The following MAP2K5 variants were observed in gnomAD, a reference collection of about 807,000 sequenced individuals.
The protein encoded by MAP2K5 is mitogen-activated protein kinase kinase 5, also known as dual specificity mitogen-activated protein kinase kinase 5.
MAP2K5 carries 49 observed loss-of-function variants against 83.1 expected under a neutral mutation model. The ratio of observed to expected loss-of-function variants is 0.59; its 90% CI spans 0.47 to 0.75. MAP2K5 has a LOEUF of 0.75. Among genes scored for constraint, MAP2K5 ranks in the 30% least tolerant of loss-of-function variants. The pLI is 0.00. For synonymous variants in MAP2K5, 202 were observed against 191.8 expected (o/e 1.05, Z -0.44); for missense variants, 457 against 557.5 (o/e 0.82, Z 1.82).
At chr15:67,655,142 T>C (rs558488408) in intron 11 of MAP2K5, among the ~76,000 whole-genome samples, 74 of 152,326 alleles carry the variant, frequency 4.9e-4, no homozygotes, top group African/African-American at 1.8e-3. Context: ...ATGCTATTAT[T>C]GTCATATAAG....
chr15:67,624,146 T>C (rs986176224), intron 8 of MAP2K5, among the ~76,000 whole-genome samples: 5 of 151,424 alleles, frequency 3.3e-5, no homozygotes, highest in Admixed American at 6.6e-5. Context: ...GAGACCATCC[T>C]GGCTAACACA....
intron 6 of MAP2K5, 30 bp downstream of exon 6, chr15:67,586,943 G>A (rs1375015082): frequency 1.2e-6 from 2 of 1,611,816 alleles, no homozygotes; most frequent in South Asian, 2.2e-5. Context: ...GTGTGCCCTT[G>A]ATGTGATTTA....
At chr15:67,633,819 G>A (rs1254354742) in intron 9 of MAP2K5, among the ~76,000 whole-genome samples, 5 of 152,196 alleles carry the variant, frequency 3.3e-5, no homozygotes, top group Admixed American at 3.3e-4. Context: ...CAAAAACCAT[G>A]TAACTTGTAT....
intron 19 of MAP2K5, among the ~76,000 whole-genome samples, chr15:67,761,720 A>G (rs953691644): frequency 2.0e-5 from 3 of 152,100 alleles, no homozygotes; most frequent in Non-Finnish European, 2.9e-5. Flanking sequence ...AGATGTTTCA[A>G]TCTTAACTCT....
intron 21 of MAP2K5, among the ~76,000 whole-genome samples, chr15:67,805,335 C>A (rs1226175812): frequency 1.3e-5 from 2 of 152,214 alleles, no homozygotes; most frequent in Admixed American, 6.5e-5. Flanking sequence ...ACAGTTCTGA[C>A]CTGTGGTCCA....
chr15:67,547,904 A>T (rs919243054), intron 1 of MAP2K5, among the ~76,000 whole-genome samples: 1 of 152,200 alleles, frequency 6.6e-6, no homozygotes, highest in Admixed American at 6.5e-5. Flanking sequence ...ACTAGTAGAT[A>T]TTACTGATGT....
At position 67,587,045 on chromosome 15, in the gene MAP2K5, T is replaced by C; in HGVS notation, c.431+132T>C. 1 of 837,888 alleles carries C rather than the reference T, an allele frequency of 1.2e-6. No homozygotes were observed. Among genetic ancestry groups the C allele is most frequent in the Non-Finnish European group, 2.0e-6 (1 of 491,564 alleles). The allele number at this position is 837,888 out of a possible 1,614,324, so 51.9% of individuals were successfully genotyped here. ...ACGTATTGACCAAAGAGAAAGGACC[T>C]CATATGGAAAGATGAATGTTTAGAT... On this transcript the variant is annotated intron_variant, in intron 6 of 21. Transcript: ENST00000178640. The surrounding 1 kb of genome is among the most constrained non-coding windows in gnomAD (Gnocchi z 4.8).
rs1305118756 is a variant in MAP2K5 at position 67,785,579 on chromosome 15, G to C, written c.1242+12827G>C. ...AAACAATCGGGGTCCATCTTGAAGG[G>C]AGAGGGGAAACAGCAAGGAGAAGAC... On this transcript the variant is annotated intron_variant, in intron 21 of 21. Transcript: ENST00000178640. This position sits in a 1 kb window ranked among gnomAD's most constrained non-coding sequence, Gnocchi z 4.4. 6.6e-6 allele frequency among the ~76,000 whole-genome samples: 1 copy of C among 152,176 alleles called. No homozygotes were observed. Among genetic ancestry groups the C allele is most frequent in the Non-Finnish European group, 1.5e-5 (1 of 68,026 alleles).
chr15:67,765,417 G>C (rs2090023819), intron 19 of MAP2K5, among the ~76,000 whole-genome samples: 1 of 152,114 alleles, frequency 6.6e-6, no homozygotes, highest in Non-Finnish European at 1.5e-5. Context: ...AATTGTCATA[G>C]ATACAAGACA....
At chr15:67,804,728 G>A (rs1329878640) in intron 21 of MAP2K5, among the ~76,000 whole-genome samples, 2 of 152,214 alleles carry the variant, frequency 1.3e-5, no homozygotes, top group Non-Finnish European at 2.9e-5. Context: ...CGTGGGGGGA[G>A]GGGCCCGTCA....
intron 16 of MAP2K5, among the ~76,000 whole-genome samples, chr15:67,706,428 T>C (rs1276711829): frequency 6.6e-6 from 1 of 152,182 alleles, no homozygotes; most frequent in Non-Finnish European, 1.5e-5. Flanking sequence ...ACCTGAATGC[T>C]GTAAGGACTG....
chr15:67,712,256 T>C (rs1291229823), intron 16 of MAP2K5, among the ~76,000 whole-genome samples: 1 of 152,198 alleles, frequency 6.6e-6, no homozygotes, highest in African/African-American at 2.4e-5. Context: ...GAAATCTGAC[T>C]AGGAAGACTT....
rs1215245419 is a variant in MAP2K5 at position 67,781,490 on chromosome 15, A to G, written c.1242+8738A>G. 1.3e-5 allele frequency among the ~76,000 whole-genome samples: 2 copies of G among 152,216 alleles called. No individual in the cohort carries two copies. The highest frequency in any genetic ancestry group is 2.4e-5 in the African/African-American group (1 of 41,450). Reference sequence around the variant, plus strand: ...ACTTGGCCATTTAGAGACTGCAGAAAGGCAGTAGAGACATTTGGGCCTACC... The same window carrying G: ...ACTTGGCCATTTAGAGACTGCAGAAGGGCAGTAGAGACATTTGGGCCTACC... On this transcript the variant is annotated intron_variant, in intron 21 of 21. Transcript: ENST00000178640. The surrounding 1 kb of genome is among the most constrained non-coding windows in gnomAD (Gnocchi z 4.0).
intron 8 of MAP2K5, among the ~76,000 whole-genome samples, chr15:67,624,652 G>C (rs1168138044): frequency 6.9e-6 from 1 of 144,238 alleles, no homozygotes; most frequent in Middle Eastern, 3.3e-3. Flanking sequence ...TGTGTTTGAC[G>C]GAGTTTCGCT....
chr15:67,627,428 T>C (rs2086352441), intron 8 of MAP2K5, among the ~76,000 whole-genome samples: 1 of 152,242 alleles, frequency 6.6e-6, no homozygotes, highest in Non-Finnish European at 1.5e-5. Flanking sequence ...AATTAATTGA[T>C]ATAATAAAAG....
Position 67,676,248 on chromosome 15 carries a change from A to G in MAP2K5, c.847+11603A>G, listed in dbSNP as rs2087681317. ...AGAGAGAGCACCTGTATGATGAATG[A>G]CAGGGTCATTTCTGTTGGTAGAGGA... On this transcript the variant is annotated intron_variant, in intron 13 of 21. Coordinates refer to ENST00000178640, the MANE Select transcript of MAP2K5 (RefSeq NM_145160.3). The surrounding 1 kb of genome is among the most constrained non-coding windows in gnomAD (Gnocchi z 4.8). Among the ~76,000 whole-genome samples, 1 of 152,192 alleles carries G rather than the reference A, an allele frequency of 6.6e-6. No homozygotes were observed. The highest frequency in any genetic ancestry group is 1.5e-5 in the Non-Finnish European group (1 of 68,032).
chr15:67,704,195 C>T (rs1167724318), intron 16 of MAP2K5, among the ~76,000 whole-genome samples: 1 of 152,148 alleles, frequency 6.6e-6, no homozygotes, highest in East Asian at 1.9e-4. Flanking sequence ...AACCTGTATA[C>T]TGACCAGTGC....
intron 11 of MAP2K5, among the ~76,000 whole-genome samples, chr15:67,656,158 CCA>C (rs1264788586): frequency 6.6e-6 from 1 of 152,036 alleles, no homozygotes; most frequent in Non-Finnish European, 1.5e-5. Context: ...ACCTACCGAG[CCA>C]CAGATGAATG....
intron 8 of MAP2K5, among the ~76,000 whole-genome samples, chr15:67,624,526 G>A (rs1008554785): frequency 1.3e-5 from 2 of 151,860 alleles, no homozygotes; most frequent in African/African-American, 2.4e-5. Flanking sequence ...ACCTTTGTAA[G>A]TTTTGAATTA....
Sources: allele counts gnomAD v4.1 joint callset (sites outside exome capture counted in the v4.1 genomes callset), GRCh38; gene constraint gnomAD v4.1.1; non-coding constraint Gnocchi (gnomAD v3.1); transcripts MANE v1.5; gene names NCBI Gene and HGNC (gene_info 2026-07-23, HGNC 2026-07-21).